TOGARAM1: variants seen among roughly 807,000 people sequenced by gnomAD.
The protein encoded by TOGARAM1 is TOG array regulator of axonemal microtubules protein 1.
In TOGARAM1, 100 loss-of-function variants were observed where a neutral mutation model predicts 166.6. That is an observed-to-expected ratio of 0.60 (90% CI 0.51 to 0.71). TOGARAM1 has a LOEUF of 0.71. Among genes scored for constraint, TOGARAM1 ranks in the 30% least tolerant of loss-of-function variants. The pLI is 0.00. For missense variants in TOGARAM1, 2,029 were observed against 2,102.7 expected (o/e 0.96, Z 0.69); for synonymous variants, 758 against 763.8 (o/e 0.99, Z 0.13).
chr14:45,071,575 T>C lies in TOGARAM1; in HGVS notation c.4970-137T>C. 3.9e-6 allele frequency: 2 copies of C among 517,102 alleles called. 1 individual carries two copies. The highest frequency in any genetic ancestry group is 6.5e-5 in the South Asian group (2 of 30,750). 32.0% of individuals were successfully genotyped at this position (517,102 alleles called of 1,614,324 possible). On this transcript the variant is annotated intron_variant, in intron 18 of 19. Coordinates refer to ENST00000361462, the MANE Select transcript of TOGARAM1 (RefSeq NM_001308120.2). ...AGGTTTTATAGAAAATTTTAAATAG[T>C]GATTATGTAGATTTTTAAAGTGTTA...
In TOGARAM1 at chr14:45,050,557, C is replaced by T. The variant is rs150430640; in HGVS notation, c.4314-1879C>T. 4.9e-3 allele frequency among the ~76,000 whole-genome samples: 750 copies of T among 151,654 alleles called. 4 individuals are homozygous for T. Among genetic ancestry groups the T allele is most frequent in the Non-Finnish European group, 7.1e-3 (482 of 67,788 alleles). On this transcript the variant is annotated intron_variant, in intron 14 of 19. Transcript: ENST00000361462. ...TGTGAGCCACTGCGCCTGGTCAAGA[C>T]GGGTGGTCTTAAGATCATCCTGTAT...
At chr14:45,033,262 A>G (rs918605499) in intron 11 of TOGARAM1, among the ~76,000 whole-genome samples, 14 of 151,888 alleles carry the variant, frequency 9.2e-5, no homozygotes. Context: ...CAAAAAAAAA[A>G]AAAAAAAATA....
chr14:44,991,904 T>A (rs1887154784), intron 1 of TOGARAM1, among the ~76,000 whole-genome samples: 1 of 151,542 alleles, frequency 6.6e-6, no homozygotes, highest in African/African-American at 2.4e-5. Context: ...AACTTTGGTA[T>A]TTTTTATATT....
intron 11 of TOGARAM1, among the ~76,000 whole-genome samples, chr14:45,041,539 T>C (rs1047673717): frequency 1.3e-5 from 2 of 152,252 alleles, no homozygotes; most frequent in East Asian, 3.8e-4. Flanking sequence ...ATCTCATTGA[T>C]TGAGGCTACC....
At position 44,963,289 on chromosome 14, in the gene TOGARAM1, G is replaced by GA; in HGVS notation, c.869dup (p.Asp290GlufsTer37). The GA allele has an allele frequency of 6.2e-7, 1 of 1,614,206 alleles. No homozygotes were observed. The highest frequency in any genetic ancestry group is 2.2e-5 in the East Asian group (1 of 44,880). On this transcript the variant is annotated frameshift_variant, in exon 1 of 20. Coordinates refer to ENST00000361462, the MANE Select transcript of TOGARAM1 (RefSeq NM_001308120.2). LOFTEE classifies it high-confidence loss of function. ...ACAAATTGGGGAGCGACTTGGCCAA[G>GA]ACAGGTTTCAATCTTACATTTCTCG...
chr14:45,034,118 C>T (rs1422433881), intron 11 of TOGARAM1, among the ~76,000 whole-genome samples: 1 of 152,162 alleles, frequency 6.6e-6, no homozygotes, highest in Non-Finnish European at 1.5e-5. Flanking sequence ...GATCATGTCA[C>T]TGCACTCCAG....
At chr14:45,064,532 G>A (rs543105411) in intron 16 of TOGARAM1, among the ~76,000 whole-genome samples, 3 of 152,172 alleles carry the variant, frequency 2.0e-5, no homozygotes, top group South Asian at 2.1e-4. Context: ...GTGCAATGAC[G>A]TGATCATGGC....
Position 45,052,472 on chromosome 14 carries a change from T to G in TOGARAM1, c.4350T>G (p.Cys1450Trp). 1.2e-6 allele frequency: 2 copies of G among 1,612,876 alleles called. No individual in the cohort carries two copies. The highest frequency in any genetic ancestry group is 1.7e-6 in the Non-Finnish European group (2 of 1,179,400). ...YGRKMLFFMM[C>W]HPNFEKMLEK... ...GAAAGATGCTGTTCTTCATGATGTG[T>G]CATCCTAACTTTGAAAAAATGCTTG... Residue 1450 changes from cysteine to tryptophan, a missense_variant, in exon 15 of 20, where the codon TGT (cysteine) becomes TGG (tryptophan). By Grantham distance (215) the Cys-to-Trp change is radical. Transcript: ENST00000361462.
At chr14:44,999,029 A>G (rs949437473) in intron 2 of TOGARAM1, among the ~76,000 whole-genome samples, 1 of 152,240 alleles carries the variant, frequency 6.6e-6, no homozygotes, top group Non-Finnish European at 1.5e-5. Context: ...GGTAATGCGT[A>G]TACTACAAAT....
At chr14:44,979,729 A>T (rs1352513958) in intron 1 of TOGARAM1, among the ~76,000 whole-genome samples, 1 of 152,214 alleles carries the variant, frequency 6.6e-6, no homozygotes, top group Non-Finnish European at 1.5e-5. Context: ...CAAATGATCT[A>T]TAACTAACCT....
chr14:45,000,841 C>G (rs1887661536), intron 3 of TOGARAM1, among the ~76,000 whole-genome samples: 1 of 152,146 alleles, frequency 6.6e-6, no homozygotes, highest in Non-Finnish European at 1.5e-5. Context: ...TCAAGTGATC[C>G]TCCTACCTCA....
intron 8 of TOGARAM1, among the ~76,000 whole-genome samples, chr14:45,026,690 C>T (rs1880860070): frequency 6.6e-6 from 1 of 152,004 alleles, no homozygotes; most frequent in South Asian, 2.1e-4. Flanking sequence ...ATCCTTGCTC[C>T]TTGAAACCAT....
At chr14:45,038,655 A>C (rs1308099688) in intron 11 of TOGARAM1, among the ~76,000 whole-genome samples, 2 of 152,196 alleles carry the variant, frequency 1.3e-5, no homozygotes, top group African/African-American at 2.4e-5. Context: ...GGAAGCTCCT[A>C]AGTCTGGGTT....
intron 1 of TOGARAM1, among the ~76,000 whole-genome samples, chr14:44,972,257 T>C (rs1307107978): frequency 6.6e-6 from 1 of 152,120 alleles, no homozygotes; most frequent in Admixed American, 6.5e-5. Flanking sequence ...CTTTTAAATT[T>C]GTTAAAGTGT....
At chr14:45,046,416 A>C (rs1566661802) in intron 13 of TOGARAM1, 129 bp from the exon 14 acceptor site, 2 of 702,198 alleles carry the variant, frequency 2.8e-6, no homozygotes, top group Non-Finnish European at 4.0e-6. Flanking sequence ...AGCCTCAGTG[A>C]CAGAGCAAGA....
At chr14:45,026,835 CAAA>C (rs57156294) in intron 8 of TOGARAM1, among the ~76,000 whole-genome samples, 1 of 139,656 alleles carries the variant, frequency 7.2e-6, no homozygotes. Context: ...CCATCTCTAC[CAAA>C]AAAAAAAAAA....
At position 44,979,318 on chromosome 14, in the gene TOGARAM1, T is replaced by C. The variant is rs562933121; in HGVS notation, c.2046+14851T>C. ...GACTGGGAAATCCAAGATCAAGGCA[T>C]TGGCAAATTCAGCGTCCAGTTAAGG... is the stretch of plus-strand genomic sequence containing the variant. On this transcript the variant is annotated intron_variant, in intron 1 of 19. Coordinates refer to ENST00000361462, the MANE Select transcript of TOGARAM1 (RefSeq NM_001308120.2). Among the ~76,000 whole-genome samples, 101 of 152,294 alleles carry C rather than the reference T, an allele frequency of 6.6e-4. 1 individual carries two copies. The highest frequency in any genetic ancestry group is 2.4e-3 in the African/African-American group (98 of 41,568).
chr14:44,969,149 T>TTCCTTC (rs1566595735), intron 1 of TOGARAM1, among the ~76,000 whole-genome samples: 1,979 of 122,444 alleles, frequency 0.016, 41 homozygotes, highest in African/African-American at 0.07. Context: ...TTCCTTCCTT[T>TTCCTTC]CTTTCTTTCT....
chr14:45,055,800 C>CAG (rs1882602895), intron 16 of TOGARAM1, among the ~76,000 whole-genome samples: 1 of 47,318 alleles, frequency 2.1e-5, no homozygotes, highest in African/African-American at 7.4e-5. Context: ...GACTCCATCT[C>CAG]AAAAAAAAAA....
Sources: gnomAD v4.1 joint callset for allele counts (sites outside exome capture counted in the v4.1 genomes callset) on GRCh38, gnomAD v4.1.1 for gene constraint, MANE v1.5 for transcripts, NCBI Gene and HGNC (gene_info 2026-07-23, HGNC 2026-07-21) for gene names.